LMBRD1: variants seen among roughly 807,000 people sequenced by gnomAD.
LMBRD1 encodes the protein lysosomal cobalamin transport escort protein LMBD1.
LMBRD1 carries 64 observed loss-of-function variants against 74.8 expected under a neutral mutation model. The ratio of observed to expected loss-of-function variants is 0.86; its 90% CI spans 0.70 to 1.05. The LOEUF is 1.05. Ranked by LOEUF, LMBRD1 falls within the 50% of genes least tolerant of loss-of-function variation. LMBRD1 has a pLI of 0.00. For synonymous variants in LMBRD1, 204 were observed against 216.3 expected (o/e 0.94, Z 0.50); for missense variants, 652 against 645.9 (o/e 1.01, Z -0.10).
chr6:69,785,742 G>C (rs952862434), intron 2 of LMBRD1, among the ~76,000 whole-genome samples: 25 of 152,144 alleles, frequency 1.6e-4, no homozygotes, highest in Non-Finnish European at 2.9e-4. Context: ...TCATATTGCA[G>C]TTAGGAGAAA....
At chr6:69,723,619 C>T (rs1039676169) in intron 7 of LMBRD1, among the ~76,000 whole-genome samples, 2 of 151,916 alleles carry the variant, frequency 1.3e-5, no homozygotes, top group African/African-American at 4.8e-5. Context: ...GTTCTGGAAA[C>T]AAATGATAAT....
chr6:69,729,882 T>C lies in LMBRD1; in HGVS notation c.636+8060A>G, dbSNP rs1261725793. 7.2e-5 allele frequency among the ~76,000 whole-genome samples: 11 copies of C among 152,148 alleles called. 1 individual carries two copies. The highest frequency in any genetic ancestry group is 6.2e-4 in the South Asian group (3 of 4,820). On this transcript the variant is annotated intron_variant, in intron 7 of 15. Coordinates refer to ENST00000649934, the MANE Select transcript of LMBRD1 (RefSeq NM_018368.4). The stretch of plus-strand genomic sequence containing the variant: ...TATTTAGATTATGATAAGCTTGACA[T>C]AGACCTTATATAAAACATTATAACT...
intron 9 of LMBRD1, among the ~76,000 whole-genome samples, chr6:69,709,201 T>A (rs764557111): frequency 8.6e-5 from 13 of 150,874 alleles, no homozygotes; most frequent in Non-Finnish European, 1.6e-4. Context: ...GCCATTGGAC[T>A]CCAGCCTGGG....
intron 14 of LMBRD1, among the ~76,000 whole-genome samples, chr6:69,690,562 T>C (rs988623541): frequency 6.6e-6 from 1 of 152,174 alleles, no homozygotes; most frequent in African/African-American, 2.4e-5. Context: ...GCATTCAGTA[T>C]GTGGGATTTT....
In LMBRD1 at chr6:69,675,762, G is replaced by A. The variant is rs1765531564; in HGVS notation, c.*396C>T. ...TGTAAATATTATTTGGAGGCAATCA[G>A]AGAGAGACACTTTAAAATTCCACAT... On this transcript the variant is annotated 3_prime_UTR_variant, in exon 16 of 16. Coordinates refer to ENST00000649934, the MANE Select transcript of LMBRD1 (RefSeq NM_018368.4). 1 of 209,026 alleles carries A rather than the reference G, an allele frequency of 4.8e-6. No homozygotes were observed. The highest frequency in any genetic ancestry group is 5.3e-5 in the Admixed American group (1 of 18,938). The allele number at this position is 209,026 out of a possible 1,614,324, so 12.9% of individuals were successfully genotyped here.
intron 4 of LMBRD1, 89 bp from the exon 5 acceptor site, chr6:69,749,497 C>A (rs1765073603): frequency 2.1e-6 from 2 of 963,754 alleles, no homozygotes; most frequent in African/African-American, 1.6e-5. Flanking sequence ...ACCTTCACAT[C>A]AGATACATGC....
chr6:69,744,270 CTAGAT>C (rs1225412981), intron 5 of LMBRD1, among the ~76,000 whole-genome samples: 1 of 152,064 alleles, frequency 6.6e-6, no homozygotes, highest in East Asian at 1.9e-4. Context: ...ACACAAAGTA[CTAGAT>C]TAAGCCATTT....
In LMBRD1 at chr6:69,674,265, G is replaced by C. The variant is rs1765501933; in HGVS notation, c.*1893C>G. Among the ~76,000 whole-genome samples, 1 of 152,134 alleles carries C rather than the reference G, an allele frequency of 6.6e-6. No individual in the cohort carries two copies. Among genetic ancestry groups the C allele is most frequent in the Non-Finnish European group, 1.5e-5 (1 of 68,038 alleles). ...CATTTTACTTTAATTACTTTTAAAA[G>C]GCCCTATCTCCACATAAAGTATTAT... On this transcript the variant is annotated 3_prime_UTR_variant, in exon 16 of 16. Transcript: ENST00000649934.
At chr6:69,755,979 T>C (rs186309345) in intron 3 of LMBRD1, among the ~76,000 whole-genome samples, 53 of 152,324 alleles carry the variant, frequency 3.5e-4, no homozygotes, top group Admixed American at 9.1e-4. Context: ...TTAATTAGCA[T>C]AGCAAAGTAT....
intron 3 of LMBRD1, among the ~76,000 whole-genome samples, chr6:69,769,112 C>G (rs1737458924): frequency 6.6e-6 from 1 of 151,990 alleles, no homozygotes; most frequent in Non-Finnish European, 1.5e-5. Flanking sequence ...CCTCTTCTTT[C>G]TCTTTTCATT....
rs994541313 is a variant in LMBRD1, at chr6:69,674,778, G to A, written c.*1380C>T. Among the ~76,000 whole-genome samples the A allele has an allele frequency of 2.0e-5, 3 of 152,046 alleles. No homozygotes were observed. Among genetic ancestry groups the A allele is most frequent in the East Asian group, 1.9e-4 (1 of 5,178 alleles). ...TCATGAGGTCAGGAGTTCAAGACCAGCCTGGCCAAGATGGTGAAACCCCAT... is the reference window on the plus strand; with the variant it reads ...TCATGAGGTCAGGAGTTCAAGACCAACCTGGCCAAGATGGTGAAACCCCAT... On this transcript the variant is annotated 3_prime_UTR_variant, in exon 16 of 16. Transcript: ENST00000649934.
At chr6:69,682,846 T>C (rs1765691465) in intron 14 of LMBRD1, among the ~76,000 whole-genome samples, 1 of 152,026 alleles carries the variant, frequency 6.6e-6, no homozygotes, top group Non-Finnish European at 1.5e-5. Flanking sequence ...TCTTTGTAAG[T>C]GACATACAGA....
At chr6:69,767,490 T>C (rs1471989891) in intron 3 of LMBRD1, among the ~76,000 whole-genome samples, 2 of 151,860 alleles carry the variant, frequency 1.3e-5, no homozygotes, top group Non-Finnish European at 3.0e-5. Context: ...AAATGCCAAA[T>C]ACTTGTGGAT....
At chr6:69,708,324 G>C (rs1314239617) in intron 9 of LMBRD1, among the ~76,000 whole-genome samples, 1 of 152,088 alleles carries the variant, frequency 6.6e-6, no homozygotes, top group Admixed American at 6.5e-5. Flanking sequence ...TTCCATGGTA[G>C]GATTTAAGAA....
intron 7 of LMBRD1, among the ~76,000 whole-genome samples, chr6:69,720,314 A>G (rs943174211): frequency 1.3e-5 from 2 of 152,180 alleles, no homozygotes; most frequent in Non-Finnish European, 2.9e-5. Flanking sequence ...CAATATCCAA[A>G]TCCTTGTATT....
At chr6:69,697,727 C>T in intron 13 of LMBRD1, 86 bp from the exon 14 acceptor site, 2 of 755,896 alleles carry the variant, frequency 2.6e-6, no homozygotes, top group Non-Finnish European at 4.5e-6. Flanking sequence ...GAACTGTATA[C>T]TCTGTATACT....
intron 2 of LMBRD1, among the ~76,000 whole-genome samples, chr6:69,784,551 C>G (rs930493608): frequency 6.6e-6 from 1 of 152,124 alleles, no homozygotes; most frequent in African/African-American, 2.4e-5. Flanking sequence ...TCAAGGACGC[C>G]ACTAAACACC....
chr6:69,726,296 AC>A lies in LMBRD1; in HGVS notation c.637-7216del, dbSNP rs1352322463. ...GTTGGTGGGAATGTAAATTAGTACA[AC>A]CACTACAGAGAATAGTTTGGAGGTT... On this transcript the variant is annotated intron_variant, in intron 7 of 15. Transcript: ENST00000649934. 2.0e-5 allele frequency among the ~76,000 whole-genome samples: 3 copies of A among 152,220 alleles called. No individual in the cohort carries two copies. The East Asian group carries it at 5.8e-4, about 29-fold the overall frequency.
Position 69,676,019 on chromosome 6 carries a change from TAATAA to T in LMBRD1, c.*134_*138del. 5 of 679,970 alleles carry T rather than the reference TAATAA, an allele frequency of 7.4e-6. No individual in the cohort carries two copies. In the South Asian group the frequency reaches 8.2e-5, roughly 11 times the overall value. 42.1% of individuals were successfully genotyped at this position (679,970 alleles called of 1,614,324 possible). Reference sequence around the variant, plus strand: ...ATACAATGTTACTTCAGAAAACATATAATAAAATATAGTTGTCTTATAGCCATGCT... The same window carrying T: ...ATACAATGTTACTTCAGAAAACATATAATATAGTTGTCTTATAGCCATGCT... On this transcript the variant is annotated 3_prime_UTR_variant, in exon 16 of 16. Coordinates refer to ENST00000649934, the MANE Select transcript of LMBRD1 (RefSeq NM_018368.4).
Sources: allele counts gnomAD v4.1 joint callset (sites outside exome capture counted in the v4.1 genomes callset), GRCh38; gene constraint gnomAD v4.1.1; transcripts MANE v1.5; gene names NCBI Gene and HGNC (gene_info 2026-07-23, HGNC 2026-07-21).